The following TIMM8A variants were observed in gnomAD, a reference collection of about 807,000 sequenced individuals.
The protein encoded by TIMM8A is mitochondrial import inner membrane translocase subunit Tim8 A.
TIMM8A carries 2 observed loss-of-function variants against 6.8 expected under a neutral mutation model. That is an observed-to-expected ratio of 0.30 (90% CI 0.12 to 0.93). The LOEUF (loss-of-function observed/expected upper bound fraction) is 0.93. Among genes scored for constraint, TIMM8A ranks in the 40% least tolerant of loss-of-function variants. The probability of loss-of-function intolerance (pLI) is 0.55; values close to 1 mark genes in which losing one functional copy is unlikely to be tolerated. For synonymous variants in TIMM8A, 26 were observed against 28.5 expected (o/e 0.91, Z 0.28); for missense variants, 34 against 75.2 (o/e 0.45, Z 2.02).
chrX:101,346,954 G>A, intron 1 of TIMM8A: 1 of 268,714 alleles, frequency 3.7e-6, no homozygotes. Flanking sequence ...GCCAGAAAAT[G>A]GCAGAGCTGG....
At chrX:101,348,390 G>A (rs1346110944) in intron 1 of TIMM8A, 143 bp downstream of exon 1, 9 of 1,182,925 alleles carry the variant, frequency 7.6e-6, no homozygotes, top group Non-Finnish European at 1.0e-5. Flanking sequence ...CATCCGGCTA[G>A]GCCACAGGAA....
intron 1 of TIMM8A, chrX:101,347,954 A>C (rs1353529225): frequency 1.9e-5 from 14 of 738,743 alleles, no homozygotes; most frequent in Non-Finnish European, 2.1e-5. Context: ...AAGTCCCCTC[A>C]CAGGGCAGGC....
In TIMM8A at chrX:101,348,690, C is replaced by G. The variant is rs1926152879; in HGVS notation, c.-26G>C. ...CCCAGGGCGACCAAGCTTGCAGAGACGAACTCCGCACCGACCTTCACGTGT... is the reference window on the plus strand; with the variant it reads ...CCCAGGGCGACCAAGCTTGCAGAGAGGAACTCCGCACCGACCTTCACGTGT... On this transcript the variant is annotated 5_prime_UTR_variant, in exon 1 of 2. Coordinates refer to ENST00000372902, the MANE Select transcript of TIMM8A (RefSeq NM_004085.4). The G allele has an allele frequency of 8.3e-7, 1 of 1,209,879 alleles. No individual in the cohort carries two copies. Among genetic ancestry groups the G allele is most frequent in the Non-Finnish European group, 1.1e-6 (1 of 894,932 alleles).
At position 101,348,612 on chromosome X, in the gene TIMM8A, T is replaced by C. The variant is rs781945921; in HGVS notation, c.53A>G (p.Gln18Arg). The change falls in exon 1 of 2, where the codon CAG becomes CGG. Residue 18 changes from glutamine (Q) to arginine (R), a missense_variant. Physicochemically the swap from Gln to Arg is conservative, Grantham distance 43. Coordinates refer to ENST00000372902, the MANE Select transcript of TIMM8A (RefSeq NM_004085.4). ...SAAGLGAVDP[Q>R]LQHFIEVETQ... ...CTCTACCTCGATGAAATGCTGCAAC[T>C]GCGGGTCCACTGCACCCAAACCCGC... 13 of 1,211,436 alleles carry C rather than the reference T, an allele frequency of 1.1e-5. No individual in the cohort carries two copies. In the South Asian group the frequency reaches 1.9e-4, roughly 18 times the overall value.
chrX:101,348,368 T>A lies in TIMM8A; in HGVS notation c.132+165A>T, dbSNP rs930355083. The A allele has an allele frequency of 4.7e-5, 55 of 1,168,255 alleles. No individual in the cohort carries two copies. The Admixed American group carries it at 1.1e-3, about 23-fold the overall frequency. ...AATGACAGTCCCCAGAGAAGCGGAG[T>A]CACCCTTCTCCCATCCGGCTAGGCC... On this transcript the variant is annotated intron_variant, in intron 1 of 1. Coordinates refer to ENST00000372902, the MANE Select transcript of TIMM8A (RefSeq NM_004085.4).
chrX:101,348,427 G>A (rs375208554), intron 1 of TIMM8A, 106 bp downstream of exon 1: 3 of 1,186,228 alleles, frequency 2.5e-6, no homozygotes, highest in African/African-American at 1.8e-5. Flanking sequence ...GTTGCTGCCA[G>A]GTGCCCGCCC....
At chrX:101,348,480 A>G (rs1324163077) in intron 1 of TIMM8A, 53 bp downstream of exon 1, 3 of 1,041,513 alleles carry the variant, frequency 2.9e-6, no homozygotes, top group Non-Finnish European at 3.8e-6. Context: ...CCGCGGTACA[A>G]GGACAGAGGG....
Position 101,348,702 on chromosome X carries a change from C to T in TIMM8A, c.-38G>A. On this transcript the variant is annotated 5_prime_UTR_variant, in exon 1 of 2. Coordinates refer to ENST00000372902, the MANE Select transcript of TIMM8A (RefSeq NM_004085.4). ...AAGCTTGCAGAGACGAACTCCGCAC[C>T]GACCTTCACGTGTCTCCGCGACGGA... 2 of 1,207,867 alleles carry T rather than the reference C, an allele frequency of 1.7e-6. No individual in the cohort carries two copies. Among genetic ancestry groups the T allele is most frequent in the Non-Finnish European group, 2.2e-6 (2 of 893,969 alleles).
chrX:101,348,003 T>C, intron 1 of TIMM8A: 2 of 837,353 alleles, frequency 2.4e-6, no homozygotes, highest in Non-Finnish European at 2.9e-6. Context: ...GGCTTGGTAT[T>C]ACACAACAAT....
At position 101,346,551 on chromosome X, in the gene TIMM8A, A is replaced by C. The variant is rs1926073701; in HGVS notation, c.242T>G (p.Leu81Arg). 8.3e-7 allele frequency: 1 copy of C among 1,210,206 alleles called. No individual in the cohort carries two copies. The highest frequency in any genetic ancestry group is 1.7e-5 in the African/African-American group (1 of 57,299). ...IDTSQFILNR[L>R]EQTQKSKPVF... ...TGGCTTGGATTTCTGGGTCTGTTCC[A>C]GTCGATTCAAGATGAACTGGCTTGT... Residue 81 changes from leucine to arginine, a missense_variant, in exon 2 of 2, where the codon CTG becomes CGG. Physicochemically the swap from Leu to Arg is moderately radical, Grantham distance 102. Transcript: ENST00000372902.
At chrX:101,348,211 C>A in intron 1 of TIMM8A, 6 of 1,106,099 alleles carry the variant, frequency 5.4e-6, no homozygotes, top group Non-Finnish European at 7.1e-6. Flanking sequence ...AATCCCAGTA[C>A]TGGGGGCTCC....
Position 101,346,258 on chromosome X carries a change from A to G in TIMM8A, c.*241T>C. ...CCCATGTACAGTAATATGCATCTAAATAGAGTTTTCTTTCGCCTGTCAATT... is the reference window on the plus strand; with the variant it reads ...CCCATGTACAGTAATATGCATCTAAGTAGAGTTTTCTTTCGCCTGTCAATT... On this transcript the variant is annotated 3_prime_UTR_variant, in exon 2 of 2. Coordinates refer to ENST00000372902, the MANE Select transcript of TIMM8A (RefSeq NM_004085.4). 1 of 1,050,644 alleles carries G rather than the reference A, an allele frequency of 9.5e-7. No homozygotes were observed. Among genetic ancestry groups the G allele is most frequent in the African/African-American group, 1.9e-5 (1 of 52,854 alleles). The allele number at this position is 1,050,644 out of a possible 1,213,427, so 86.6% of individuals were successfully genotyped here. A position where few individuals can be genotyped will look rare whatever the true frequency, so the allele number is the denominator to read the frequency against.
chrX:101,346,790 T>G (rs1385833919), intron 1 of TIMM8A, 130 bp from the exon 2 acceptor site: 2 of 636,942 alleles, frequency 3.1e-6, no homozygotes, highest in Non-Finnish European at 4.8e-6. Flanking sequence ...ATGTTACTGA[T>G]AGTTCACATT....
In TIMM8A at chrX:101,346,024, A is replaced by T. The variant is rs1926060572; in HGVS notation, c.*475T>A. 1.2e-6 allele frequency: 1 copy of T among 801,986 alleles called. No homozygotes were observed. Among genetic ancestry groups the T allele is most frequent in the Admixed American group, 7.1e-5 (1 of 14,051 alleles). The allele number at this position is 801,986 out of a possible 1,213,427, so 66.1% of individuals were successfully genotyped here. A position where few individuals can be genotyped will look rare whatever the true frequency, so the allele number is the denominator to read the frequency against. ...GATAACTGAAGTGTACTGTATAAAC[A>T]CTCTTACAGATATTTTTCTCCAGCA... On this transcript the variant is annotated 3_prime_UTR_variant, in exon 2 of 2. Transcript: ENST00000372902.
chrX:101,348,386 G>T (rs1343754472), intron 1 of TIMM8A, 147 bp downstream of exon 1: 1 of 1,181,673 alleles, frequency 8.5e-7, no homozygotes, highest in East Asian at 3.1e-5. Context: ...CTCCCATCCG[G>T]CTAGGCCACA....
chrX:101,345,963 A>G lies in TIMM8A; in HGVS notation c.*536T>C, dbSNP rs1926057024. 1 of 744,303 alleles carries G rather than the reference A, an allele frequency of 1.3e-6. No individual in the cohort carries two copies. The highest frequency in any genetic ancestry group is 2.7e-5 in the African/African-American group (1 of 36,820). 61.3% of individuals were successfully genotyped at this position (744,303 alleles called of 1,213,427 possible). ...ACCTTGAGACTTACTTAATATGGATATTTAAGCAAATCATCATATAGGAAA... is the reference window on the plus strand; with the variant it reads ...ACCTTGAGACTTACTTAATATGGATGTTTAAGCAAATCATCATATAGGAAA... On this transcript the variant is annotated 3_prime_UTR_variant, in exon 2 of 2. Transcript: ENST00000372902.
intron 1 of TIMM8A, 66 bp from the exon 2 acceptor site, chrX:101,346,726 G>C (rs189845369): frequency 9.1e-7 from 1 of 1,098,218 alleles, no homozygotes; most frequent in Non-Finnish European, 1.2e-6. Context: ...GGGGGCAGGG[G>C]TCCCTTTTTG....
chrX:101,348,425 C>CCGGGGGGGGGGGGGGGGGGGGGGTGG, intron 1 of TIMM8A, 108 bp downstream of exon 1: 1 of 1,176,906 alleles, frequency 8.5e-7, no homozygotes, highest in Non-Finnish European at 1.1e-6. Context: ...GGGTTGCTGC[C>CCGGGGGGGGGGGGGGGGGGGGGGTGG]AGGTGCCCGC....
chrX:101,348,371 C>T, intron 1 of TIMM8A, 162 bp downstream of exon 1: 2 of 1,174,449 alleles, frequency 1.7e-6, no homozygotes, highest in Non-Finnish European at 2.3e-6. Context: ...AGCGGAGTCA[C>T]CCTTCTCCCA....
Sources: allele counts gnomAD v4.1 joint callset, GRCh38; gene constraint gnomAD v4.1.1; transcripts MANE v1.5; gene names NCBI Gene and HGNC (gene_info 2026-07-23, HGNC 2026-07-21).